The following TSPAN5 variants were observed in gnomAD, a reference collection of about 807,000 sequenced individuals.
TSPAN5 encodes tetraspanin-5.
Under a neutral mutation model 37.1 loss-of-function variants are expected in TSPAN5, and 10 were observed. The observed-to-expected ratio is 0.27, with a 90% CI of 0.17 to 0.46. The LOEUF (loss-of-function observed/expected upper bound fraction) is 0.46. Among genes scored for constraint, TSPAN5 ranks in the 20% least tolerant of loss-of-function variants. The probability of loss-of-function intolerance (pLI) is 1.00; values close to 1 mark genes in which losing one functional copy is unlikely to be tolerated. For missense variants in TSPAN5, 195 were observed against 326.6 expected (o/e 0.60, Z 3.11); for synonymous variants, 110 against 118.9 (o/e 0.93, Z 0.48).
At chr4:98,588,682 T>A (rs1048293985) in intron 1 of TSPAN5, among the ~76,000 whole-genome samples, 2 of 152,180 alleles carry the variant, frequency 1.3e-5, no homozygotes, top group Non-Finnish European at 2.9e-5. Context: ...AGTTACGATG[T>A]TCAAAGAGAT....
chr4:98,613,930 C>A (rs548374053), intron 1 of TSPAN5, among the ~76,000 whole-genome samples: 27 of 152,260 alleles, frequency 1.8e-4, no homozygotes, highest in Non-Finnish European at 2.8e-4. Flanking sequence ...CTAAGCACAA[C>A]CAATTATCAC....
chr4:98,634,541 T>A (rs116209922), intron 1 of TSPAN5, among the ~76,000 whole-genome samples: 2,100 of 152,380 alleles, frequency 0.014, 31 homozygotes, highest in African/African-American at 0.037. Flanking sequence ...TTACTTTGCA[T>A]GCTATTATAA....
intron 1 of TSPAN5, among the ~76,000 whole-genome samples, chr4:98,593,027 T>C (rs1755689824): frequency 1.3e-5 from 1 of 78,444 alleles, no homozygotes; most frequent in Non-Finnish European, 2.5e-5. Context: ...ACTTCCACAA[T>C]GGTTGAACTA....
At chr4:98,524,183 G>A (rs1753912742) in intron 1 of TSPAN5, among the ~76,000 whole-genome samples, 1 of 152,060 alleles carries the variant, frequency 6.6e-6, no homozygotes, top group Non-Finnish European at 1.5e-5. Context: ...ATATACTATG[G>A]GGAAAAAAGA....
chr4:98,581,195 T>C (rs578258038), intron 1 of TSPAN5, among the ~76,000 whole-genome samples: 13 of 152,290 alleles, frequency 8.5e-5, no homozygotes, highest in African/African-American at 3.1e-4. Flanking sequence ...CAAAAGATCT[T>C]TGAATAACAA....
At chr4:98,498,863 G>A (rs983848213) in intron 2 of TSPAN5, among the ~76,000 whole-genome samples, 1 of 152,168 alleles carries the variant, frequency 6.6e-6, no homozygotes, top group Non-Finnish European at 1.5e-5. Context: ...TCAGAAGTAG[G>A]TGAGGACAGG....
intron 1 of TSPAN5, among the ~76,000 whole-genome samples, chr4:98,650,165 A>C (rs2110289780): frequency 6.6e-6 from 1 of 152,328 alleles, no homozygotes; most frequent in Middle Eastern, 3.4e-3. Context: ...TAAATAATGA[A>C]GGACCATGGG....
chr4:98,625,793 G>A (rs1406228463), intron 1 of TSPAN5, among the ~76,000 whole-genome samples: 1 of 152,038 alleles, frequency 6.6e-6, no homozygotes, highest in Admixed American at 6.5e-5. Flanking sequence ...CAAGAAAATA[G>A]TATGTCAGAG....
At chr4:98,506,780 T>A (rs1753485519) in intron 2 of TSPAN5, among the ~76,000 whole-genome samples, 1 of 152,192 alleles carries the variant, frequency 6.6e-6, no homozygotes, top group Admixed American at 6.5e-5. Context: ...CATCCCCTTG[T>A]CCTTACGTGG....
intron 1 of TSPAN5, among the ~76,000 whole-genome samples, chr4:98,531,356 G>C (rs1187691087): frequency 1.3e-5 from 2 of 152,294 alleles, no homozygotes; most frequent in South Asian, 2.1e-4. Context: ...TGCTGAGAAA[G>C]AGGATTTCCA....
intron 1 of TSPAN5, among the ~76,000 whole-genome samples, chr4:98,602,092 A>G (rs941026211): frequency 6.6e-6 from 1 of 152,188 alleles, no homozygotes; most frequent in African/African-American, 2.4e-5. Flanking sequence ...ACAGATCACC[A>G]TAACAGATAT....
intron 1 of TSPAN5, among the ~76,000 whole-genome samples, chr4:98,633,870 G>A (rs1756799013): frequency 1.3e-5 from 2 of 152,118 alleles, no homozygotes; most frequent in Middle Eastern, 3.4e-3. Context: ...ACCTGAGGTC[G>A]GGAGTTCAAG....
intron 1 of TSPAN5, among the ~76,000 whole-genome samples, chr4:98,590,628 T>C (rs1167633321): frequency 6.6e-6 from 1 of 151,324 alleles, no homozygotes; most frequent in East Asian, 1.9e-4. Flanking sequence ...GAGAATCACT[T>C]GAATCCGGGA....
Position 98,478,738 on chromosome 4 carries a change from C to T in TSPAN5, c.523G>A (p.Ala175Thr). 6.2e-7 allele frequency: 1 copy of T among 1,614,188 alleles called. No homozygotes were observed. Among genetic ancestry groups the T allele is most frequent in the Non-Finnish European group, 8.5e-7 (1 of 1,180,034 alleles). The part of the protein sequence containing the change: ...NIYFNCTDSN[A>T]SRERCGVPFS... ...GGAACGCCACATCGCTCTCGACTTG[C>T]ATTGGAATCTGTGCAATTGAAGTAA... The change falls in exon 5 of 8, where the codon GCA (alanine) becomes ACA (threonine). Residue 175 changes from alanine to threonine, a missense_variant. Physicochemically the swap from Ala to Thr is moderately conservative, Grantham distance 58 (BLOSUM62 0). Transcript: ENST00000305798.
chr4:98,555,374 A>C (rs1754717777), intron 1 of TSPAN5, among the ~76,000 whole-genome samples: 1 of 152,130 alleles, frequency 6.6e-6, no homozygotes, highest in African/African-American at 2.4e-5. Context: ...CTCCTTTATA[A>C]AGACAGGGTA....
intron 2 of TSPAN5, among the ~76,000 whole-genome samples, chr4:98,501,412 G>T (rs1753345552): frequency 3.9e-5 from 6 of 152,168 alleles, no homozygotes. Flanking sequence ...AATACCTCTT[G>T]AATACTTGCT....
At position 98,616,506 on chromosome 4, in the gene TSPAN5, CAAAAT is replaced by C. The variant is rs1302006021; in HGVS notation, c.81+41635_81+41639del. On this transcript the variant is annotated intron_variant, in intron 1 of 7. Coordinates refer to ENST00000305798, the MANE Select transcript of TSPAN5 (RefSeq NM_005723.4). ...AGAGCTGTTTAAAAACAAAACAAAA[CAAAAT>C]AAAACAAAACCAGCCCAAGAGGCGC... Among the ~76,000 whole-genome samples the C allele has an allele frequency of 7.2e-5, 11 of 152,128 alleles. No individual in the cohort carries two copies. The South Asian group carries it at 1.0e-3, about 14-fold the overall frequency.
At chr4:98,643,717 A>T (rs1757004757) in intron 1 of TSPAN5, among the ~76,000 whole-genome samples, 3 of 152,232 alleles carry the variant, frequency 2.0e-5, no homozygotes, top group South Asian at 2.1e-4. Context: ...GTCAGGAAAA[A>T]ATATGAAAAT....
chr4:98,654,712 G>A (rs1429837053), intron 1 of TSPAN5, among the ~76,000 whole-genome samples: 4 of 152,176 alleles, frequency 2.6e-5, no homozygotes, highest in Non-Finnish European at 4.4e-5. Flanking sequence ...ACATGAAGCT[G>A]TAATTCTAAT....
Sources: gnomAD v4.1 joint callset for allele counts (sites outside exome capture counted in the v4.1 genomes callset) on GRCh38, gnomAD v4.1.1 for gene constraint, MANE v1.5 for transcripts, NCBI Gene and HGNC (gene_info 2026-07-23, HGNC 2026-07-21) for gene names.